ANXA10: variants seen among roughly 807,000 people sequenced by gnomAD.
ANXA10 encodes annexin A10, also known as annexin 14.
In ANXA10, 49 loss-of-function variants were observed where a neutral mutation model predicts 53.5. The ratio of observed to expected loss-of-function variants is 0.92; its 90% confidence interval spans 0.73 to 1.16. The LOEUF is 1.16. Among genes scored for constraint, ANXA10 ranks in the 50% most tolerant of loss-of-function variants. The probability of loss-of-function intolerance (pLI) is 0.00; values close to 1 mark genes in which losing one functional copy is unlikely to be tolerated. For synonymous variants in ANXA10, 131 were observed against 128.9 expected (o/e 1.02, Z -0.11); for missense variants, 393 against 394.4 (o/e 1.00, Z 0.03).
chr4:168,113,917 G>A (rs1730849817), intron 1 of ANXA10, among the ~76,000 whole-genome samples: 1 of 152,122 alleles, frequency 6.6e-6, no homozygotes, highest in Admixed American at 6.6e-5. Flanking sequence ...TATGTAGGTG[G>A]CATTTTACCT....
chr4:168,146,802 G>C (rs1349181798), intron 3 of ANXA10, among the ~76,000 whole-genome samples: 5 of 152,176 alleles, frequency 3.3e-5, no homozygotes, highest in African/African-American at 9.7e-5. Flanking sequence ...GTTTTTCCAA[G>C]AGTTAACCCA....
chr4:168,150,338 G>A (rs1261108088), intron 3 of ANXA10, among the ~76,000 whole-genome samples: 1 of 152,174 alleles, frequency 6.6e-6, no homozygotes, highest in African/African-American at 2.4e-5. Flanking sequence ...TCTGTAAAAT[G>A]AAGCTATTCG....
intron 3 of ANXA10, among the ~76,000 whole-genome samples, chr4:168,142,275 G>A (rs568867427): frequency 2.6e-5 from 4 of 152,154 alleles, no homozygotes; most frequent in Non-Finnish European, 4.4e-5. Flanking sequence ...CAGGGCACAC[G>A]AAGCCTTGCT....
At chr4:168,180,488 A>C (rs943845224) in intron 9 of ANXA10, among the ~76,000 whole-genome samples, 27 of 152,208 alleles carry the variant, frequency 1.8e-4, no homozygotes, top group African/African-American at 6.5e-4. Flanking sequence ...AAAACATTTC[A>C]ACTGATTTAT....
rs1730477653 is a variant in ANXA10 at position 168,092,623 on chromosome 4, CT to C, written c.-75del. On this transcript the variant is annotated 5_prime_UTR_variant, in exon 1 of 12. Transcript: ENST00000359299. Reference sequence around the variant, plus strand: ...TTTGATTTAACAGTGAACCTTAATTCTTTCTGGCTTCACAGTGAAACAAGTT... The same window carrying C: ...TTTGATTTAACAGTGAACCTTAATTCTTCTGGCTTCACAGTGAAACAAGTT... 1 of 1,379,732 alleles carries C rather than the reference CT, an allele frequency of 7.2e-7. No individual in the cohort carries two copies. Among genetic ancestry groups the C allele is most frequent in the South Asian group, 1.2e-5 (1 of 80,594 alleles). The allele number at this position is 1,379,732 out of a possible 1,614,324, so 85.5% of individuals were successfully genotyped here.
intron 1 of ANXA10, among the ~76,000 whole-genome samples, chr4:168,121,999 C>T (rs1451815352): frequency 3.7e-5 from 5 of 133,650 alleles, no homozygotes; most frequent in East Asian, 2.1e-4. Context: ...CCCACCACCA[C>T]GCCCGGCTAC....
At chr4:168,110,703 C>T (rs1730794503) in intron 1 of ANXA10, among the ~76,000 whole-genome samples, 2 of 151,970 alleles carry the variant, frequency 1.3e-5, no homozygotes, top group African/African-American at 4.8e-5. Flanking sequence ...TATGGATTGC[C>T]CAGGCCAGGT....
intron 2 of ANXA10, among the ~76,000 whole-genome samples, chr4:168,132,506 G>A (rs758696414): frequency 3.1e-4 from 47 of 152,074 alleles, no homozygotes; most frequent in Non-Finnish European, 8.8e-5. Context: ...CTGGGGACTC[G>A]AGGATGGTTC....
chr4:168,151,632 G>GTA (rs3065105), intron 3 of ANXA10, among the ~76,000 whole-genome samples: 6,729 of 152,034 alleles, frequency 0.044, 458 homozygotes, highest in African/African-American at 0.15. Context: ...GAAAAGTGGT[G>GTA]TATATATATA....
rs768613668 is a variant in ANXA10, at chr4:168,154,022, G to A, written c.196-8506G>A. On this transcript the variant is annotated intron_variant, in intron 3 of 11. Transcript: ENST00000359299. ...CACACACGCACACACGCGCGCGCGC[G>A]TGCCTCTGAGTTGAAAACAAAGATA... is the stretch of plus-strand genomic sequence containing the variant. 2.0e-5 allele frequency among the ~76,000 whole-genome samples: 3 copies of A among 150,594 alleles called. No homozygotes were observed. In the Middle Eastern group the frequency reaches 0.01, roughly 519 times the overall value.
At chr4:168,174,166 T>G (rs374039408) in intron 6 of ANXA10, among the ~76,000 whole-genome samples, 2 of 152,080 alleles carry the variant, frequency 1.3e-5, no homozygotes, top group East Asian at 3.9e-4. Context: ...AAACAGTGAG[T>G]GTGAATAGAG....
chr4:168,135,958 G>A (rs549203251), intron 2 of ANXA10, among the ~76,000 whole-genome samples: 1 of 152,284 alleles, frequency 6.6e-6, no homozygotes, highest in East Asian at 1.9e-4. Flanking sequence ...CATGGCTGGG[G>A]AGACCTCAGG....
intron 3 of ANXA10, among the ~76,000 whole-genome samples, chr4:168,143,886 C>T (rs1314616982): frequency 1.3e-5 from 2 of 152,158 alleles, no homozygotes; most frequent in African/African-American, 4.8e-5. Flanking sequence ...CCACTGTTCT[C>T]AATGGAGCAA....
At chr4:168,171,479 G>C (rs1258850682) in intron 6 of ANXA10, among the ~76,000 whole-genome samples, 2 of 151,970 alleles carry the variant, frequency 1.3e-5, no homozygotes, top group African/African-American at 4.8e-5. Context: ...GATGACCCAT[G>C]GTTTTCATAT....
chr4:168,097,594 G>A (rs1279499571), intron 1 of ANXA10, among the ~76,000 whole-genome samples: 1 of 151,928 alleles, frequency 6.6e-6, no homozygotes, highest in African/African-American at 2.4e-5. Context: ...AAAAAGGAAA[G>A]TTAAAAAAAA....
At chr4:168,115,329 T>C (rs1481711514) in intron 1 of ANXA10, among the ~76,000 whole-genome samples, 1 of 152,166 alleles carries the variant, frequency 6.6e-6, no homozygotes, top group African/African-American at 2.4e-5. Flanking sequence ...CCAACTCACC[T>C]CTATTGAAAG....
intron 1 of ANXA10, among the ~76,000 whole-genome samples, chr4:168,093,180 G>T (rs960958193): frequency 6.6e-6 from 1 of 152,000 alleles, no homozygotes; most frequent in African/African-American, 2.4e-5. Context: ...GTTATCATAA[G>T]ATTTTTTATC....
At chr4:168,171,331 T>G (rs1216535607) in intron 6 of ANXA10, among the ~76,000 whole-genome samples, 3 of 152,204 alleles carry the variant, frequency 2.0e-5, no homozygotes, top group African/African-American at 7.2e-5. Flanking sequence ...GAGATTCAGG[T>G]TTTTACTCTG....
intron 8 of ANXA10, 102 bp downstream of exon 8, chr4:168,178,085 G>C: frequency 1.8e-6 from 2 of 1,102,256 alleles, no homozygotes; most frequent in Non-Finnish European, 2.6e-6. Context: ...GGAAATAGCG[G>C]AAAGTCAGTT....
Sources: allele counts gnomAD v4.1 joint callset (sites outside exome capture counted in the v4.1 genomes callset), GRCh38; gene constraint gnomAD v4.1.1; transcripts MANE v1.5; gene names NCBI Gene and HGNC (gene_info 2026-07-23, HGNC 2026-07-21).